Variants in CHD1L observed in about 807,000 individuals in gnomAD.
CHD1L encodes ATP-dependent chromatin remodeler CHD1L.
A neutral mutation model predicts 115.9 loss-of-function variants in CHD1L; 118 were observed. The ratio of observed to expected loss-of-function variants is 1.02; its 90% confidence interval spans 0.88 to 1.19. The LOEUF (loss-of-function observed/expected upper bound fraction) is 1.19. Among genes scored for constraint, CHD1L ranks in the 50% most tolerant of loss-of-function variants. The pLI, the probability that CHD1L is intolerant of heterozygous loss-of-function variation, is 0.00. For synonymous variants in CHD1L, 411 were observed against 387.1 expected, an observed-to-expected ratio of 1.06 and a Z score of -0.72; for missense variants, 1,179 against 1,065.3, an observed-to-expected ratio of 1.11 and a Z score of -1.49.
chr1:147,217,663 A>G, the CHD1L span, among the ~76,000 whole-genome samples: 3 of 152,218 alleles, frequency 2.0e-5, no homozygotes, highest in Non-Finnish European at 4.4e-5. Flanking sequence ...ACTGCTAATA[A>G]CATTTTCATA....
At chr1:147,185,656 C>T in the CHD1L span, among the ~76,000 whole-genome samples, 1 of 152,140 alleles carries the variant, frequency 6.6e-6, no homozygotes, top group African/African-American at 2.4e-5. Flanking sequence ...TTGGTCTTTT[C>T]CATTGTTCAG....
At chr1:147,220,811 C>T in the CHD1L span, among the ~76,000 whole-genome samples, 5 of 151,826 alleles carry the variant, frequency 3.3e-5, no homozygotes, top group Non-Finnish European at 5.9e-5. Flanking sequence ...TATGTACCCC[C>T]GAACCTAAAA....
Position 147,267,519 on chromosome 1 carries a change from G to C in CHD1L, c.988+1G>C, listed in dbSNP as rs782579165. The C allele has an allele frequency of 6.2e-7, 1 of 1,606,716 alleles. No homozygotes were observed. The highest frequency in any genetic ancestry group is 1.7e-5 in the Admixed American group (1 of 59,456). ...GTGGATCACCCATATTTGTTTGATG[G>C]TGAGACAGTGCCTTTTCCCCCCACA... On this transcript the variant is annotated splice_donor_variant, in intron 9 of 22. Coordinates refer to ENST00000369258, the MANE Select transcript of CHD1L (RefSeq NM_004284.6). LOFTEE classifies it high-confidence loss of function.
At chr1:147,269,407 G>C (rs1051965618) in intron 10 of CHD1L, among the ~76,000 whole-genome samples, 1 of 152,066 alleles carries the variant, frequency 6.6e-6, no homozygotes, top group African/African-American at 2.4e-5. Context: ...ACTGTGGCTC[G>C]CGCCTGTAAT....
chr1:147,255,322 G>A (rs7548980), intron 3 of CHD1L, among the ~76,000 whole-genome samples: 40,612 of 152,030 alleles, frequency 0.27, 6,571 homozygotes, highest in East Asian at 0.59. Context: ...CTGCCTCCCA[G>A]GTTCAAGTGA....
intron 5 of CHD1L, chr1:147,259,095 A>G (rs1671066966): frequency 6.6e-6 from 1 of 152,214 alleles, no homozygotes; most frequent in South Asian, 2.1e-4. Flanking sequence ...ATACAACTTG[A>G]AACATTCCCA....
upstream of CHD1L, among the ~76,000 whole-genome samples, chr1:147,241,843 C>T (rs755610421): frequency 6.6e-6 from 1 of 152,114 alleles, no homozygotes; most frequent in Admixed American, 6.6e-5. Flanking sequence ...AGAATAATAT[C>T]GTTCCTGTTC....
the CHD1L span, chr1:147,208,926 T>A: frequency 1.9e-6 from 3 of 1,614,170 alleles, no homozygotes; most frequent in African/African-American, 4.0e-5. Flanking sequence ...ATTTGTTTGC[T>A]AATGATTGGC....
chr1:147,290,549 G>GT (rs1197766351), intron 19 of CHD1L, among the ~76,000 whole-genome samples: 1 of 152,188 alleles, frequency 6.6e-6, no homozygotes, highest in Non-Finnish European at 1.5e-5. Context: ...CAGGGCCCTT[G>GT]TGCAAGGTCA....
At chr1:147,250,303 A>G (rs1668004688) in intron 1 of CHD1L, among the ~76,000 whole-genome samples, 1 of 152,172 alleles carries the variant, frequency 6.6e-6, no homozygotes, top group African/African-American at 2.4e-5. Context: ...TGATTTTTAT[A>G]AGAATTGGAG....
the CHD1L span, chr1:147,215,743 C>A: frequency 4.4e-6 from 7 of 1,577,602 alleles, no homozygotes; most frequent in East Asian, 2.3e-5. Context: ...GATACCCACA[C>A]AATTTTCTAC....
rs782391914 is a variant in CHD1L at position 147,285,406 on chromosome 1, A to G, written c.1937A>G (p.Lys646Arg). 1 of 1,614,042 alleles carries G rather than the reference A, an allele frequency of 6.2e-7. No individual in the cohort carries two copies. The highest frequency in any genetic ancestry group is 8.5e-7 in the Non-Finnish European group (1 of 1,180,002). Residue 646 changes from lysine (K) to arginine (R), a missense_variant, in exon 17 of 23, where the codon AAA becomes AGA. Physicochemically the swap from Lys to Arg is conservative, Grantham distance 26. Coordinates refer to ENST00000369258, the MANE Select transcript of CHD1L (RefSeq NM_004284.6). Reference protein sequence around the residue: ...SPEELEDRQKKRQEAAAKRRR... With the variant: ...SPEELEDRQKRRQEAAAKRRR... ...GAAGAGCTGGAGGACAGACAGAAGA[A>G]AAGACAAGAAGCAGCTGCCAAGAGA...
At chr1:147,285,289 C>CTT in intron 16 of CHD1L, 35 bp from the exon 17 acceptor site, 1 of 1,596,050 alleles carries the variant, frequency 6.3e-7, no homozygotes, top group Non-Finnish European at 8.5e-7. Flanking sequence ...GAGGAATCTT[C>CTT]TTGACCCTGG....
the CHD1L span, among the ~76,000 whole-genome samples, chr1:147,229,653 C>T: frequency 2.0e-5 from 3 of 152,048 alleles, no homozygotes; most frequent in East Asian, 3.9e-4. Context: ...ATGGAATGTT[C>T]TTCCATTTCT....
chr1:147,212,320 G>A, the CHD1L span: 46,909 of 1,499,140 alleles, frequency 0.031, 1,096 homozygotes, highest in South Asian at 0.09. Context: ...TCTCTGTTGG[G>A]TCCACCTGCA....
At chr1:147,284,549 A>AAAGC in intron 16 of CHD1L, 50 bp downstream of exon 16, 1 of 1,346,678 alleles carries the variant, frequency 7.4e-7, no homozygotes. Flanking sequence ...CTCTCATTCT[A>AAAGC]AAACAAACAA....
chr1:147,286,815 G>A (rs1683319773), intron 18 of CHD1L, among the ~76,000 whole-genome samples: 1 of 152,174 alleles, frequency 6.6e-6, no homozygotes, highest in African/African-American at 2.4e-5. Flanking sequence ...AATCCTTTGA[G>A]AAAAAGCAAA....
At chr1:147,182,517 GT>G in the CHD1L span, among the ~76,000 whole-genome samples, 7,522 of 152,224 alleles carry the variant, frequency 0.049, 195 homozygotes, top group African/African-American at 0.07. Flanking sequence ...GTTATTTGAG[GT>G]TTTTCTGTTA....
At chr1:147,251,605 T>G (rs587601430) in intron 1 of CHD1L, among the ~76,000 whole-genome samples, 1 of 152,264 alleles carries the variant, frequency 6.6e-6, no homozygotes, top group East Asian at 1.9e-4. Context: ...CTCGGCTTAC[T>G]ACAACCTCCG....
Sources: gnomAD v4.1 joint callset for allele counts (sites outside exome capture counted in the v4.1 genomes callset) on GRCh38, gnomAD v4.1.1 for gene constraint, MANE v1.5 for transcripts, NCBI Gene and HGNC (gene_info 2026-07-23, HGNC 2026-07-21) for gene names.